SPATA21: variants seen among roughly 807,000 people sequenced by gnomAD.
SPATA21 encodes spermatogenesis associated 21.
Under a neutral mutation model 54.8 loss-of-function variants are expected in SPATA21, and 47 were observed. The ratio of observed to expected loss-of-function variants is 0.86; its 90% CI spans 0.68 to 1.09. The LOEUF is 1.09. Ranked by LOEUF, SPATA21 falls within the 50% of genes least tolerant of loss-of-function variation. The pLI is 0.00. For synonymous variants in SPATA21, 245 were observed against 235.3 expected, an observed-to-expected ratio of 1.04 and a Z score of -0.38; for missense variants, 599 against 596.4, an observed-to-expected ratio of 1.00 and a Z score of -0.05.
intron 8 of SPATA21, among the ~76,000 whole-genome samples, chr1:16,404,580 G>C (rs1278029044): frequency 6.6e-6 from 1 of 152,216 alleles, no homozygotes; most frequent in Non-Finnish European, 1.5e-5. Context: ...ACTTTGAGAG[G>C]CTGAGGCAGG....
At chr1:16,415,613 G>T (rs1250048691) in intron 5 of SPATA21, among the ~76,000 whole-genome samples, 1 of 152,188 alleles carries the variant, frequency 6.6e-6, no homozygotes, top group Non-Finnish European at 1.5e-5. Context: ...AGGCTGGAGT[G>T]TGTTGGTGTG....
intron 3 of SPATA21, chr1:16,425,812 A>G (rs2086303142): frequency 2.4e-6 from 3 of 1,228,200 alleles, no homozygotes; most frequent in Admixed American, 2.3e-5. Flanking sequence ...TAGGCATACC[A>G]TAGGTGCATA....
rs754963464 is a variant in SPATA21 at position 16,399,517 on chromosome 1, G to A, written c.1179C>T (p.Pro393=). 1 of 1,612,540 alleles carries A rather than the reference G, an allele frequency of 6.2e-7. No homozygotes were observed. Among genetic ancestry groups the A allele is most frequent in the Non-Finnish European group, 8.5e-7 (1 of 1,179,424 alleles). The change falls in exon 12 of 13, where the codon CCC becomes CCT. Residue 393 remains proline (P), a synonymous_variant. Transcript: ENST00000335496. ...LSRLKQQNYA[P]NLQSPYAQVP... is the part of the protein sequence containing the mutation. ...CCTGGGCATAGGGGCTCTGCAGGTT[G>A]GGAGCTGGTGAAGAAGGAGGCAGAA...
At chr1:16,402,452 G>A (rs892321849) in intron 10 of SPATA21, among the ~76,000 whole-genome samples, 21 of 151,396 alleles carry the variant, frequency 1.4e-4, no homozygotes, top group South Asian at 4.2e-4. Flanking sequence ...CAGTAGAGAC[G>A]AGGTTTCACC....
intron 12 of SPATA21, among the ~76,000 whole-genome samples, 178 bp from the exon 13 acceptor site, chr1:16,399,000 C>T (rs913459554): frequency 1.3e-5 from 2 of 152,162 alleles, no homozygotes; most frequent in African/African-American, 2.4e-5. Flanking sequence ...CCTTCCCCAG[C>T]GGCCTGGAGG....
intron 3 of SPATA21, among the ~76,000 whole-genome samples, chr1:16,431,040 A>G (rs1327297521): frequency 1.3e-5 from 2 of 152,248 alleles, no homozygotes; most frequent in African/African-American, 2.4e-5. Context: ...ACATTGATCT[A>G]GCCATACCTG....
rs41269199 is a variant in SPATA21 at position 16,424,981 on chromosome 1, C to T, written c.35-3010G>A. 2,749 of 313,214 alleles carry T rather than the reference C, an allele frequency of 8.8e-3. 27 individuals are homozygous for T. The highest frequency in any genetic ancestry group is 0.011 in the Non-Finnish European group (1,773 of 158,988). 19.4% of individuals were successfully genotyped at this position (313,214 alleles called of 1,614,324 possible). The stretch of plus-strand genomic sequence containing the variant: ...TTGCCCTGGTTGGAGTGCAATGGCG[C>T]GATCTCAGCTCACTGCAACCTCCAC... On this transcript the variant is annotated intron_variant, in intron 3 of 12. Coordinates refer to ENST00000335496, the MANE Select transcript of SPATA21 (RefSeq NM_198546.1).
chr1:16,405,795 C>T (rs909869111), intron 7 of SPATA21, among the ~76,000 whole-genome samples: 12 of 152,226 alleles, frequency 7.9e-5, no homozygotes, highest in Non-Finnish European at 1.5e-4. Context: ...CCACACAATG[C>T]AGCGATCCTT....
In SPATA21 at chr1:16,403,815, G is replaced by A; in HGVS notation, c.913C>T (p.His305Tyr). Residue 305 changes from histidine to tyrosine, a missense_variant, in exon 10 of 13, where the codon CAC (histidine) becomes TAC (tyrosine). By Grantham distance (83) the His-to-Tyr change is moderately conservative. Coordinates refer to ENST00000335496, the MANE Select transcript of SPATA21 (RefSeq NM_198546.1). ...TCAAAGAGTAGAGTGTGGGGGTTGT[G>A]GGGAGCCATGTCCGACAGGGCGTTC... ...EQNALSDMAP[H>Y]NPHTLLFEIL... 6.2e-7 allele frequency: 1 copy of A among 1,611,118 alleles called. No homozygotes were observed. Among genetic ancestry groups the A allele is most frequent in the Non-Finnish European group, 8.5e-7 (1 of 1,178,578 alleles).
intron 5 of SPATA21, among the ~76,000 whole-genome samples, chr1:16,413,441 C>G (rs2085911149): frequency 6.6e-6 from 1 of 152,172 alleles, no homozygotes; most frequent in South Asian, 2.1e-4. Flanking sequence ...GAGTTGCTTT[C>G]ATCTGTTATC....
At chr1:16,430,997 G>A (rs1264313456) in intron 3 of SPATA21, among the ~76,000 whole-genome samples, 2 of 152,172 alleles carry the variant, frequency 1.3e-5, no homozygotes, top group Admixed American at 6.5e-5. Flanking sequence ...ATCCAACACG[G>A]AGGAACATAG....
chr1:16,404,222 C>A (rs1261306106), intron 8 of SPATA21, among the ~76,000 whole-genome samples, 183 bp from the exon 9 acceptor site: 1 of 152,226 alleles, frequency 6.6e-6, no homozygotes, highest in Non-Finnish European at 1.5e-5. Context: ...GTAATCCCAG[C>A]ACTTTGGGAG....
chr1:16,425,702 T>C, intron 3 of SPATA21: 1 of 1,549,850 alleles, frequency 6.5e-7, no homozygotes, highest in African/African-American at 1.4e-5. Context: ...CTGGGACCCT[T>C]CCTGGGGGAC....
At chr1:16,435,321 G>A (rs1225110007) in intron 1 of SPATA21, among the ~76,000 whole-genome samples, 2 of 150,806 alleles carry the variant, frequency 1.3e-5, no homozygotes, top group African/African-American at 2.4e-5. Flanking sequence ...CAGAGCCTTC[G>A]TCCTTTTTTT....
chr1:16,425,389 C>G, intron 3 of SPATA21: 2 of 987,528 alleles, frequency 2.0e-6, no homozygotes, highest in Non-Finnish European at 3.0e-6. Flanking sequence ...CAAGGGATCA[C>G]CCCTGCCTCA....
chr1:16,413,062 G>A (rs1454593647), intron 5 of SPATA21, among the ~76,000 whole-genome samples: 2 of 152,184 alleles, frequency 1.3e-5, no homozygotes, highest in Non-Finnish European at 2.9e-5. Flanking sequence ...GATTATAGGC[G>A]TGAGCCACCA....
chr1:16,402,507 C>T (rs916247353), intron 10 of SPATA21, among the ~76,000 whole-genome samples: 6 of 151,484 alleles, frequency 4.0e-5, no homozygotes. Flanking sequence ...GTGATCCGCC[C>T]ACCGCGGCCT....
rs756035914 is a variant in SPATA21, at chr1:16,409,993, C to T, written c.195G>A (p.Gln65=). The change falls in exon 6 of 13, where the codon CAG becomes CAA. Residue 65 remains glutamine, a synonymous_variant. Coordinates refer to ENST00000335496, the MANE Select transcript of SPATA21 (RefSeq NM_198546.1). The surrounding 1 kb of genome is among the most constrained non-coding windows in gnomAD (Gnocchi z 4.1). ...CTGCAGCCACCGCGGGCTTCTGAGG[C>T]TGCTGCTGCGCACGGTCTGGCTCCC... ...ERREPDRAQQ[Q]PQKPAVAAGT... 1.0e-4 allele frequency: 160 copies of T among 1,598,126 alleles called. 2 individuals are homozygous for T. In the South Asian group the frequency reaches 1.8e-3, roughly 18 times the overall value.
chr1:16,422,231 A>T, intron 3 of SPATA21: 1 of 1,403,290 alleles, frequency 7.1e-7, no homozygotes, highest in South Asian at 1.5e-5. Context: ...GGGGAGCTCC[A>T]TCCTCGTTCC....
Sources: gnomAD v4.1 joint callset for allele counts (sites outside exome capture counted in the v4.1 genomes callset) on GRCh38, gnomAD v4.1.1 for gene constraint, Gnocchi (gnomAD v3.1) non-coding constraint, MANE v1.5 for transcripts, NCBI Gene and HGNC (gene_info 2026-07-23, HGNC 2026-07-21) for gene names.